ANKS1A: variants seen among roughly 807,000 people sequenced by gnomAD.
ANKS1A encodes ankyrin repeat and SAM domain-containing protein 1A.
Under a neutral mutation model 120.3 loss-of-function variants are expected in ANKS1A, and 55 were observed. The ratio of observed to expected loss-of-function variants is 0.46; its 90% CI spans 0.37 to 0.57. ANKS1A has a LOEUF of 0.57. Ranked by LOEUF, ANKS1A falls within the 20% of genes least tolerant of loss-of-function variation. ANKS1A has a pLI of 0.00. For missense variants in ANKS1A, 1,123 were observed against 1,480.3 expected (o/e 0.76, Z 3.96); for synonymous variants, 590 against 604.7 (o/e 0.98, Z 0.36).
intron 8 of ANKS1A, among the ~76,000 whole-genome samples, chr6:34,987,776 G>T (rs1561893573): frequency 2.0e-5 from 3 of 152,192 alleles, no homozygotes; most frequent in Admixed American, 6.5e-5. Flanking sequence ...ATCTTTCCAT[G>T]CAGATTTTGC....
chr6:35,091,603 C>T (rs145927412), downstream of ANKS1A, among the ~76,000 whole-genome samples: 19 of 152,314 alleles, frequency 1.2e-4, no homozygotes, highest in African/African-American at 4.3e-4. Flanking sequence ...TGCTGTGAGG[C>T]GCAAGGGCCC....
intron 10 of ANKS1A, among the ~76,000 whole-genome samples, chr6:35,013,455 C>T (rs1773863902): frequency 6.6e-6 from 1 of 151,988 alleles, no homozygotes; most frequent in Non-Finnish European, 1.5e-5. Context: ...CCACCACACC[C>T]AGCTAATTTT....
At chr6:35,079,964 G>T (rs938024427) in intron 16 of ANKS1A, 36 bp downstream of exon 16, 3 of 1,545,344 alleles carry the variant, frequency 1.9e-6, no homozygotes, top group South Asian at 2.4e-5. Flanking sequence ...ATGTATGTTT[G>T]TTCCCTGTAT....
intron 11 of ANKS1A, among the ~76,000 whole-genome samples, chr6:35,047,585 A>T (rs1043275949): frequency 6.6e-6 from 1 of 152,192 alleles, no homozygotes; most frequent in Non-Finnish European, 1.5e-5. Context: ...TAGATTGTGT[A>T]CATTGAACTA....
chr6:34,922,636 T>A (rs915860636), intron 1 of ANKS1A, among the ~76,000 whole-genome samples: 3 of 151,762 alleles, frequency 2.0e-5, no homozygotes. Context: ...GTTGACTGTG[T>A]CCCTGTGAGC....
chr6:34,889,642 C>G lies in ANKS1A; in HGVS notation c.197+43C>G, dbSNP rs541769336. Reference sequence around the variant, plus strand: ...CCGGGCCGCTGCCTGCAGACCCTTTCTCCCCCACCCGTCTCTTGGGTCCCC... The same window carrying G: ...CCGGGCCGCTGCCTGCAGACCCTTTGTCCCCCACCCGTCTCTTGGGTCCCC... On this transcript the variant is annotated intron_variant, in intron 1 of 23. Coordinates refer to ENST00000360359, the MANE Select transcript of ANKS1A (RefSeq NM_015245.3). This position sits in a 1 kb window ranked among gnomAD's most constrained non-coding sequence, Gnocchi z 5.5. 7.9e-7 allele frequency: 1 copy of G among 1,264,754 alleles called. No individual in the cohort carries two copies. Among genetic ancestry groups the G allele is most frequent in the Admixed American group, 3.2e-5 (1 of 30,788 alleles). The allele number at this position is 1,264,754 out of a possible 1,614,324, so 78.3% of individuals were successfully genotyped here.
intron 14 of ANKS1A, 98 bp from the exon 15 acceptor site, chr6:35,079,418 C>A: frequency 6.6e-7 from 1 of 1,505,564 alleles, no homozygotes; most frequent in South Asian, 1.3e-5. Context: ...AGAGGGCCCC[C>A]TGGCCACAGT....
intron 1 of ANKS1A, among the ~76,000 whole-genome samples, chr6:34,950,225 T>C (rs1770007811): frequency 2.1e-5 from 3 of 142,688 alleles, no homozygotes; most frequent in African/African-American, 5.3e-5. Context: ...TTTCTCTCTT[T>C]TTTTTTTTTT....
chr6:35,079,871 C>T lies in ANKS1A; in HGVS notation c.2487C>T (p.Leu829=). 3.2e-6 allele frequency: 5 copies of T among 1,567,478 alleles called. No individual in the cohort carries two copies. The highest frequency in any genetic ancestry group is 4.3e-6 in the Non-Finnish European group (5 of 1,156,054). ...ATCGCAAGCGCATCATCGCCTCCCT[C>T]GCAGACAGACCGTACGAGGAGCCGC... is the stretch of plus-strand genomic sequence containing the variant. ...LGHRKRIIAS[L]ADRPYEEPPQ... is the part of the protein sequence containing the mutation. The change falls in exon 16 of 24, where the codon CTC becomes CTT. Residue 829 remains leucine (L), a synonymous_variant. Transcript: ENST00000360359.
At chr6:35,053,684 A>T (rs1238792595) in intron 11 of ANKS1A, among the ~76,000 whole-genome samples, 1 of 152,242 alleles carries the variant, frequency 6.6e-6, no homozygotes, top group Non-Finnish European at 1.5e-5. Context: ...GTAGCATGGA[A>T]CAAAGCCGGC....
intron 10 of ANKS1A, among the ~76,000 whole-genome samples, chr6:35,016,857 A>G (rs1774035463): frequency 6.7e-6 from 1 of 150,044 alleles, no homozygotes; most frequent in African/African-American, 2.4e-5. Flanking sequence ...GCCCCCTCCG[A>G]GGAAGGAAGC....
Position 34,981,974 on chromosome 6 carries a change from C to A in ANKS1A, c.720C>A (p.Asp240Glu), listed in dbSNP as rs779504764. 6.2e-7 allele frequency: 1 copy of A among 1,613,820 alleles called. No individual in the cohort carries two copies. The highest frequency in any genetic ancestry group is 1.3e-5 in the African/African-American group (1 of 74,904). ...VVQVLLDAGM[D>E]SNYQTEMGSA... ...AGGTCCTCCTCGATGCTGGCATGGACAGCAACTACCAGGTAGCAGGGCGGG... is the reference window on the plus strand; with the variant it reads ...AGGTCCTCCTCGATGCTGGCATGGAAAGCAACTACCAGGTAGCAGGGCGGG... The change falls in exon 4 of 24, where the codon GAC (aspartate) becomes GAA (glutamate). Residue 240 changes from aspartate (D) to glutamate (E), a missense_variant. Asp to Glu is a conservative substitution (Grantham distance 45). Coordinates refer to ENST00000360359, the MANE Select transcript of ANKS1A (RefSeq NM_015245.3).
intron 1 of ANKS1A, among the ~76,000 whole-genome samples, chr6:34,895,084 A>G (rs1262638877): frequency 6.6e-6 from 1 of 152,158 alleles, no homozygotes; most frequent in Non-Finnish European, 1.5e-5. Context: ...AAAAATTTTG[A>G]AAAATGGACC....
intron 11 of ANKS1A, among the ~76,000 whole-genome samples, chr6:35,041,100 T>A (rs1775434175): frequency 6.6e-6 from 1 of 152,250 alleles, no homozygotes; most frequent in Non-Finnish European, 1.5e-5. Context: ...TATAAAGTTA[T>A]GAGAAATACT....
chr6:35,090,701 AG>A lies in ANKS1A; in HGVS notation c.*2094del. On this transcript the variant is annotated 3_prime_UTR_variant, in exon 24 of 24. Coordinates refer to ENST00000360359, the MANE Select transcript of ANKS1A (RefSeq NM_015245.3). The stretch of plus-strand genomic sequence containing the variant: ...GAAAGGTTATTATAACTTTAAGGAC[AG>A]GCTTCAAGTGGGAAGGCCCCTACTT... The A allele has an allele frequency of 2.0e-6, 2 of 988,396 alleles. No homozygotes were observed. The highest frequency in any genetic ancestry group is 2.4e-6 in the Non-Finnish European group (2 of 831,972). 61.2% of individuals were successfully genotyped at this position (988,396 alleles called of 1,614,324 possible).
chr6:35,097,645 A>C, the ANKS1A span, among the ~76,000 whole-genome samples: 7 of 146,476 alleles, frequency 4.8e-5, no homozygotes, highest in Admixed American at 4.7e-4. Context: ...AAGAAAAAAA[A>C]AAAAAAAAAA....
chr6:34,942,614 G>A (rs1363835919), intron 1 of ANKS1A, among the ~76,000 whole-genome samples: 1 of 152,090 alleles, frequency 6.6e-6, no homozygotes, highest in East Asian at 1.9e-4. Context: ...GGAGTGTAAA[G>A]TTAGGATCTT....
intron 11 of ANKS1A, chr6:35,023,778 AT>A: frequency 3.4e-6 from 1 of 290,588 alleles, no homozygotes; most frequent in East Asian, 8.8e-5. Context: ...AGGTGACAGG[AT>A]TATTTCTTAT....
intron 1 of ANKS1A, among the ~76,000 whole-genome samples, chr6:34,940,938 C>T (rs1769498505): frequency 6.6e-6 from 1 of 151,876 alleles, no homozygotes; most frequent in African/African-American, 2.4e-5. Context: ...ATAATATATC[C>T]TCATGATAAA....
Sources: gnomAD v4.1 joint callset for allele counts (sites outside exome capture counted in the v4.1 genomes callset) on GRCh38, gnomAD v4.1.1 for gene constraint, Gnocchi (gnomAD v3.1) non-coding constraint, MANE v1.5 for transcripts, NCBI Gene and HGNC (gene_info 2026-07-23, HGNC 2026-07-21) for gene names.